The following NPR3 variants were observed in gnomAD, a reference collection of about 807,000 sequenced individuals.
The protein encoded by NPR3 is natriuretic peptide receptor 3.
Under a neutral mutation model 54.5 loss-of-function variants are expected in NPR3, and 34 were observed. That is an observed-to-expected ratio of 0.62 (90% CI 0.47 to 0.83). NPR3 has a LOEUF of 0.83. NPR3 is among the 40% of genes least tolerant of loss of function. The probability of loss-of-function intolerance (pLI) is 0.00; values close to 1 mark genes in which losing one functional copy is unlikely to be tolerated. For synonymous variants in NPR3, 289 were observed against 297.1 expected (o/e 0.97, Z 0.28); for missense variants, 674 against 720.8 (o/e 0.94, Z 0.74).
intron 3 of NPR3, among the ~76,000 whole-genome samples, chr5:32,759,765 A>G (rs1366628543): frequency 1.3e-5 from 2 of 152,126 alleles, no homozygotes; most frequent in African/African-American, 4.8e-5. Context: ...TTCCATGTTT[A>G]GTGCTTCCTT....
chr5:32,698,205 C>G (rs764790700), intron 1 of NPR3, among the ~76,000 whole-genome samples: 10 of 151,910 alleles, frequency 6.6e-5, no homozygotes, highest in Non-Finnish European at 1.3e-4. Context: ...TCCTTTGTTT[C>G]AAGAGATTTA....
At chr5:32,731,218 T>A (rs1739431859) in intron 2 of NPR3, among the ~76,000 whole-genome samples, 1 of 152,210 alleles carries the variant, frequency 6.6e-6, no homozygotes, top group African/African-American at 2.4e-5. Context: ...TTCTTGAAAA[T>A]TCTACTACAC....
chr5:32,717,022 G>A (rs1259651907), intron 1 of NPR3, among the ~76,000 whole-genome samples: 1 of 73,126 alleles, frequency 1.4e-5, no homozygotes, highest in Non-Finnish European at 2.5e-5. Flanking sequence ...CCCCCTGACA[G>A]GCCCCGGTGT....
chr5:32,764,233 TC>T (rs974852417), intron 3 of NPR3, among the ~76,000 whole-genome samples: 1 of 152,170 alleles, frequency 6.6e-6, no homozygotes, highest in African/African-American at 2.4e-5. Context: ...GGTGCTCCTT[TC>T]TCTGTGGCTC....
At chr5:32,691,692 T>C (rs961308372) in intron 1 of NPR3, among the ~76,000 whole-genome samples, 2 of 152,212 alleles carry the variant, frequency 1.3e-5, no homozygotes, top group Admixed American at 6.5e-5. Flanking sequence ...AAAACACATA[T>C]ACCTTTGAGC....
At chr5:32,785,186 CCT>C (rs1742552626) in intron 7 of NPR3, among the ~76,000 whole-genome samples, 1 of 138,350 alleles carries the variant, frequency 7.2e-6, no homozygotes, top group East Asian at 2.2e-4. Context: ...TCTCAGTCCC[CCT>C]GTTACCCAGG....
chr5:32,742,999 T>C lies in NPR3; in HGVS notation c.1059+3969T>C, dbSNP rs1460904531. Among the ~76,000 whole-genome samples the C allele has an allele frequency of 3.9e-5, 6 of 152,222 alleles. 1 individual carries two copies. The highest frequency in any genetic ancestry group is 3.3e-4 in the Admixed American group (5 of 15,288). On this transcript the variant is annotated intron_variant, in intron 3 of 7. Transcript: ENST00000265074. Reference sequence around the variant, plus strand: ...CATCTTTAAAAAGGTTATGGTCTTCTGAAAATGAAAAATTTGAAACTTTAA... The same window carrying C: ...CATCTTTAAAAAGGTTATGGTCTTCCGAAAATGAAAAATTTGAAACTTTAA...
intron 1 of NPR3, chr5:32,713,257 C>G: frequency 1.0e-6 from 1 of 985,452 alleles, no homozygotes; most frequent in Non-Finnish European, 1.2e-6. Flanking sequence ...GCGGGAGTGC[C>G]TTTTGAAGAA....
rs1334451943 is a variant in NPR3, at chr5:32,712,432, G to A, written c.656G>A (p.Gly219Glu). The A allele has an allele frequency of 6.2e-7, 1 of 1,612,322 alleles. No homozygotes were observed. The highest frequency in any genetic ancestry group is 1.7e-5 in the Admixed American group (1 of 59,904). Residue 219 changes from glycine (G) to glutamate (E), a missense_variant, in exon 1 of 8, where the codon GGG (glycine) becomes GAG (glutamate). By Grantham distance (98) the Gly-to-Glu change is moderately conservative. Coordinates refer to ENST00000265074, the MANE Select transcript of NPR3 (RefSeq NM_001204375.2). ...LERNCYFTLE[G>E]VHEVFQEEGL... ...CGGAACTGCTACTTCACCCTCGAGG[G>A]GGTCCACGAGGTCTTCCAGGAGGAG...
chr5:32,777,031 TC>T (rs772719817), intron 4 of NPR3, among the ~76,000 whole-genome samples: 5 of 152,028 alleles, frequency 3.3e-5, no homozygotes, highest in African/African-American at 4.8e-5. Flanking sequence ...CTGTGGAGTG[TC>T]CCCAGAGAGA....
chr5:32,747,622 C>G (rs564266981), intron 3 of NPR3, among the ~76,000 whole-genome samples: 1 of 152,084 alleles, frequency 6.6e-6, no homozygotes, highest in Non-Finnish European at 1.5e-5. Context: ...TCTTCCTGCT[C>G]TAATCTAGAG....
chr5:32,784,808 A>G lies in NPR3; in HGVS notation c.1439A>G (p.Glu480Gly), dbSNP rs750883965. Reference sequence around the variant, plus strand: ...CTTCTTTTTCAAGCAGGTGGCCTAGAAGAATCGGCAGTGACAGGAATTGTC... The same window carrying G: ...CTTCTTTTTCAAGCAGGTGGCCTAGGAGAATCGGCAGTGACAGGAATTGTC... ...SSPCKSSGGLEESAVTGIVVG... is the reference protein window; with the variant it reads ...SSPCKSSGGLGESAVTGIVVG... The change falls in exon 7 of 8, where the codon GAA (glutamate) becomes GGA (glycine). Residue 480 changes from glutamate (E) to glycine (G), a missense_variant. Physicochemically the swap from Glu to Gly is moderately conservative, Grantham distance 98 (BLOSUM62 -2). Coordinates refer to ENST00000265074, the MANE Select transcript of NPR3 (RefSeq NM_001204375.2). The G allele has an allele frequency of 7.4e-6, 12 of 1,613,508 alleles. No homozygotes were observed. The East Asian group carries it at 2.7e-4, about 36-fold the overall frequency.
Position 32,790,098 on chromosome 5 carries a change from A to C in NPR3, c.*3753A>C, listed in dbSNP as rs1276128855. 5.3e-6 allele frequency: 1 copy of C among 188,740 alleles called. No individual in the cohort carries two copies. The highest frequency in any genetic ancestry group is 1.2e-5 in the Non-Finnish European group (1 of 80,164). The allele number at this position is 188,740 out of a possible 1,614,324, so 11.7% of individuals were successfully genotyped here. A position where few individuals can be genotyped will look rare whatever the true frequency, so the allele number is the denominator to read the frequency against. ...TGGTAATGAGCTGAATTTCTTATTC[A>C]GTGGAAAAAACTGAAACTGTCTAAA... On this transcript the variant is annotated 3_prime_UTR_variant, in exon 8 of 8. Transcript: ENST00000265074.
intron 1 of NPR3, among the ~76,000 whole-genome samples, chr5:32,717,556 A>G (rs558271314): frequency 6.6e-6 from 1 of 152,322 alleles, no homozygotes; most frequent in East Asian, 1.9e-4. Flanking sequence ...TCTAACTGGC[A>G]TGAGATGGTA....
At chr5:32,714,928 A>G (rs1411170264) in intron 1 of NPR3, among the ~76,000 whole-genome samples, 1 of 152,186 alleles carries the variant, frequency 6.6e-6, no homozygotes, top group African/African-American at 2.4e-5. Flanking sequence ...CCTTAGGTAA[A>G]GTGGGGGTAG....
chr5:32,789,772 C>T lies in NPR3; in HGVS notation c.*3427C>T. ...GAGATGAAGGCCATTGCATAGATCT[C>T]ATGCAGATAGTGATGGATTCAGAAA... On this transcript the variant is annotated 3_prime_UTR_variant, in exon 8 of 8. Coordinates refer to ENST00000265074, the MANE Select transcript of NPR3 (RefSeq NM_001204375.2). 1 of 527,080 alleles carries T rather than the reference C, an allele frequency of 1.9e-6. No homozygotes were observed. The highest frequency in any genetic ancestry group is 3.9e-6 in the Non-Finnish European group (1 of 255,918). The allele number at this position is 527,080 out of a possible 1,614,324, so 32.7% of individuals were successfully genotyped here.
intron 2 of NPR3, among the ~76,000 whole-genome samples, chr5:32,729,218 T>A (rs888629365): frequency 1.5e-4 from 23 of 151,458 alleles, no homozygotes; most frequent in African/African-American, 4.8e-4. Context: ...TTTAGTAGAG[T>A]CGGGGTTTCA....
intron 3 of NPR3, among the ~76,000 whole-genome samples, chr5:32,756,672 C>T (rs757125962): frequency 9.9e-5 from 15 of 152,174 alleles, no homozygotes; most frequent in Non-Finnish European, 2.1e-4. Context: ...ACATGAACTC[C>T]TTGCCCATGC....
chr5:32,718,733 T>G (rs1424809409), intron 1 of NPR3, among the ~76,000 whole-genome samples: 2 of 152,218 alleles, frequency 1.3e-5, no homozygotes, highest in Non-Finnish European at 2.9e-5. Flanking sequence ...GCTTATCAGC[T>G]TAAGGAGATT....
Sources: allele counts gnomAD v4.1 joint callset (sites outside exome capture counted in the v4.1 genomes callset), GRCh38; gene constraint gnomAD v4.1.1; transcripts MANE v1.5; gene names NCBI Gene and HGNC (gene_info 2026-07-23, HGNC 2026-07-21).